Variants in LRP12 observed in about 807,000 individuals in gnomAD.
LRP12 encodes LDL receptor related protein 12.
LRP12 carries 14 observed loss-of-function variants against 66.0 expected under a neutral mutation model. The ratio of observed to expected loss-of-function variants is 0.21; its 90% CI spans 0.14 to 0.33. LRP12 has a LOEUF of 0.33. Among genes scored for constraint, LRP12 ranks in the 10% least tolerant of loss-of-function variants. The pLI, the probability that LRP12 is intolerant of heterozygous loss-of-function variation, is 1.00. For missense variants in LRP12, 889 were observed against 1,053.4 expected, an observed-to-expected ratio of 0.84 and a Z score of 2.16; for synonymous variants, 357 against 359.1, an observed-to-expected ratio of 0.99 and a Z score of 0.07.
chr8:104,576,512 C>T lies in LRP12; in HGVS notation c.79+12307G>A, dbSNP rs184470784. Reference sequence around the variant, plus strand: ...CCCAGAATTTCATATCTTGCCAAAGCGTCATAAGCAAAGGAGAAATAAGAT... The same window carrying T: ...CCCAGAATTTCATATCTTGCCAAAGTGTCATAAGCAAAGGAGAAATAAGAT... On this transcript the variant is annotated intron_variant, in intron 1 of 6. Transcript: ENST00000276654. 3.5e-3 allele frequency among the ~76,000 whole-genome samples: 525 copies of T among 152,166 alleles called. 3 individuals are homozygous for T. The highest frequency in any genetic ancestry group is 0.012 in the African/African-American group (482 of 41,520).
chr8:104,528,347 G>A (rs59493567), intron 2 of LRP12, among the ~76,000 whole-genome samples: 1 of 152,280 alleles, frequency 6.6e-6, no homozygotes, highest in East Asian at 1.9e-4. Context: ...CCTGCATTTT[G>A]AGATTCTTCC....
At chr8:104,531,579 A>G (rs78595659) in intron 2 of LRP12, among the ~76,000 whole-genome samples, 4,659 of 152,220 alleles carry the variant, frequency 0.031, 237 homozygotes, top group African/African-American at 0.11. Flanking sequence ...ATTCAAAATC[A>G]CATTTCAGTA....
chr8:104,580,375 A>AT (rs1812230083), intron 1 of LRP12, among the ~76,000 whole-genome samples: 1 of 151,042 alleles, frequency 6.6e-6, no homozygotes, highest in African/African-American at 2.4e-5. Context: ...AAAAAAAAAA[A>AT]AAAAATTAGC....
At chr8:104,575,226 C>T (rs1028207020) in intron 1 of LRP12, among the ~76,000 whole-genome samples, 11 of 152,140 alleles carry the variant, frequency 7.2e-5, no homozygotes, top group Admixed American at 3.9e-4. Context: ...GTGCCCTGCC[C>T]CCAAGCCAAC....
chr8:104,508,374 A>G (rs539234431), intron 3 of LRP12: 1 of 152,312 alleles, frequency 6.6e-6, no homozygotes, highest in South Asian at 2.1e-4. Context: ...TTAAACTTAC[A>G]GCTATTTCCC....
chr8:104,529,096 G>T (rs1564136753), intron 2 of LRP12, among the ~76,000 whole-genome samples: 1 of 152,140 alleles, frequency 6.6e-6, no homozygotes. Context: ...AACGTAACTG[G>T]ATTTGGAGAG....
At chr8:104,544,871 A>C (rs1445587441) in intron 1 of LRP12, among the ~76,000 whole-genome samples, 2 of 152,320 alleles carry the variant, frequency 1.3e-5, no homozygotes, top group African/African-American at 4.8e-5. Context: ...CCCATGAATC[A>C]GGAGTAATTT....
chr8:104,536,150 T>C (rs966836553), intron 1 of LRP12, among the ~76,000 whole-genome samples: 1 of 152,072 alleles, frequency 6.6e-6, no homozygotes, highest in Admixed American at 6.6e-5. Context: ...CACAGTCCGA[T>C]TCTTCCTAAC....
Position 104,497,695 on chromosome 8 carries a change from G to A in LRP12, c.857C>T (p.Thr286Ile). 6.2e-7 allele frequency: 1 copy of A among 1,614,018 alleles called. No homozygotes were observed. Among genetic ancestry groups the A allele is most frequent in the Non-Finnish European group, 8.5e-7 (1 of 1,179,992 alleles). ...PDFYPPGSNC[T>I]WLIDTGDHRK... ...GTGATCACCAGTGTCTATTAACCAG[G>A]TGCAATTGCTTCCAGGAGGATAAAA... Residue 286 changes from threonine to isoleucine, a missense_variant, in exon 5 of 7, where the codon ACC (threonine) becomes ATC (isoleucine). This residue lies in a region of LRP12 where 800 missense variants were observed against 964.5 expected (regional missense o/e 0.83). Coordinates refer to ENST00000276654, the MANE Select transcript of LRP12 (RefSeq NM_013437.5). This position sits in a 1 kb window ranked among gnomAD's most constrained non-coding sequence, Gnocchi z 4.3.
chr8:104,544,804 G>T (rs1811531272), intron 1 of LRP12, among the ~76,000 whole-genome samples: 1 of 152,114 alleles, frequency 6.6e-6, no homozygotes, highest in Admixed American at 6.6e-5. Context: ...CGCTGATGGA[G>T]ATATATAAGG....
At chr8:104,503,187 TTA>T (rs1336310196) in intron 3 of LRP12, among the ~76,000 whole-genome samples, 4 of 151,990 alleles carry the variant, frequency 2.6e-5, no homozygotes, top group Non-Finnish European at 5.9e-5. Context: ...TTTCAGAGTT[TTA>T]GTTTTTACAC....
chr8:104,573,723 T>C (rs1056167917), intron 1 of LRP12, among the ~76,000 whole-genome samples: 3 of 151,844 alleles, frequency 2.0e-5, no homozygotes, highest in Admixed American at 2.0e-4. Context: ...GAATCTTTTA[T>C]ACTACTTCTA....
Position 104,539,227 on chromosome 8 carries a change from A to T in LRP12, c.80-7264T>A, listed in dbSNP as rs555054212. Among the ~76,000 whole-genome samples, 15 of 152,290 alleles carry T rather than the reference A, an allele frequency of 9.8e-5. No homozygotes were observed. The South Asian group carries it at 3.1e-3, about 32-fold the overall frequency. ...TAAAACTGAGGAAAAATTAACAATCATTCCTAAGATAATGGCATGGCACTT... is the reference window on the plus strand; with the variant it reads ...TAAAACTGAGGAAAAATTAACAATCTTTCCTAAGATAATGGCATGGCACTT... On this transcript the variant is annotated intron_variant, in intron 1 of 6. Coordinates refer to ENST00000276654, the MANE Select transcript of LRP12 (RefSeq NM_013437.5).
At chr8:104,528,081 A>G (rs73295137) in intron 2 of LRP12, among the ~76,000 whole-genome samples, 8,148 of 152,228 alleles carry the variant, frequency 0.054, 596 homozygotes, top group African/African-American at 0.17. Flanking sequence ...TAAAAATAAT[A>G]TATTATTTCG....
At chr8:104,524,241 CAAAAAA>C (rs57379814) in intron 2 of LRP12, among the ~76,000 whole-genome samples, 4 of 96,778 alleles carry the variant, frequency 4.1e-5, no homozygotes, top group African/African-American at 7.7e-5. Context: ...GACCCTGTCT[CAAAAAA>C]AAAAAAAAAA....
chr8:104,589,223 C>T lies in LRP12; in HGVS notation c.-326G>A, dbSNP rs113562756. 0.051 allele frequency among the ~76,000 whole-genome samples: 7,777 copies of T among 151,610 alleles called. 670 individuals are homozygous for T. The highest frequency in any genetic ancestry group is 0.18 in the African/African-American group (7,315 of 41,382). On this transcript the variant is annotated 5_prime_UTR_variant, in exon 1 of 7. Coordinates refer to ENST00000276654, the MANE Select transcript of LRP12 (RefSeq NM_013437.5). ...GCGGACGCCGGACTCCGGCCTCGCG[C>T]CGCTCGGGCTAGCCGGCGCCGCCAC...
At chr8:104,511,018 T>C (rs974932187) in intron 2 of LRP12, among the ~76,000 whole-genome samples, 2 of 148,540 alleles carry the variant, frequency 1.3e-5, no homozygotes, top group African/African-American at 5.0e-5. Context: ...CAATTGTAAT[T>C]TGGAAAAATG....
At chr8:104,517,784 T>C (rs1049128037) in intron 2 of LRP12, among the ~76,000 whole-genome samples, 1 of 152,034 alleles carries the variant, frequency 6.6e-6, no homozygotes, top group East Asian at 1.9e-4. Context: ...TGTTGAAAAC[T>C]AGTAAGAAGG....
At chr8:104,516,428 T>A (rs1811073185) in intron 2 of LRP12, among the ~76,000 whole-genome samples, 1 of 152,124 alleles carries the variant, frequency 6.6e-6, no homozygotes, top group Non-Finnish European at 1.5e-5. Context: ...TACATATTTT[T>A]AAAATTTATC....
Sources: allele counts gnomAD v4.1 joint callset (sites outside exome capture counted in the v4.1 genomes callset), GRCh38; gene constraint gnomAD v4.1.1; regional missense constraint gnomAD v4.1.1; non-coding constraint Gnocchi (gnomAD v3.1); transcripts MANE v1.5; gene names NCBI Gene and HGNC (gene_info 2026-07-23, HGNC 2026-07-21).